TEP1: variants seen among roughly 807,000 people sequenced by gnomAD.
TEP1 encodes telomerase associated protein 1.
Under a neutral mutation model 306.3 loss-of-function variants are expected in TEP1, and 241 were observed. The ratio of observed to expected loss-of-function variants is 0.79; its 90% CI spans 0.71 to 0.88. The LOEUF is 0.88. Among genes scored for constraint, TEP1 ranks in the 40% least tolerant of loss-of-function variants. TEP1 has a pLI of 0.00. For missense variants in TEP1, 3,051 were observed against 3,276.1 expected (o/e 0.93, Z 1.68); for synonymous variants, 1,289 against 1,305.5 (o/e 0.99, Z 0.27).
rs1032849516 is a variant in TEP1, at chr14:20,384,600, C to T, written c.3221G>A (p.Arg1074Lys). Residue 1074 changes from arginine (R) to lysine (K), a missense_variant and splice_region_variant, in exon 22 of 55, where the codon AGA (arginine) becomes AAA (lysine). Physicochemically the swap from Arg to Lys is conservative, Grantham distance 26. Coordinates refer to ENST00000262715, the MANE Select transcript of TEP1 (RefSeq NM_007110.5). ...GTGCTCCCTACCTCCCTCAGCTCAC[C>T]TGCGGCAGGTGATCCCTTTCTGTCT... ...LSRQKGITCR[R>K]YPCEWGGVAA... 9 of 1,614,120 alleles carry T rather than the reference C, an allele frequency of 5.6e-6. No homozygotes were observed. The highest frequency in any genetic ancestry group is 1.6e-4 in the Middle Eastern group (1 of 6,062).
rs200061332 is a variant in TEP1, at chr14:20,378,778, G to A, written c.5328C>T (p.Thr1776=). The change falls in exon 37 of 55, where the codon ACC becomes ACT. Residue 1776 remains threonine, a synonymous_variant. Coordinates refer to ENST00000262715, the MANE Select transcript of TEP1 (RefSeq NM_007110.5). ...CCTTTAGGCATCCTCCCAAGCACAC[G>A]GTGGCTAGCAGCCGGCAGTCTGGGC... The part of the protein sequence containing the change: ...CLSPDCRLLA[T]VCLGGCLKLW... The A allele has an allele frequency of 5.7e-5, 92 of 1,614,060 alleles. No individual in the cohort carries two copies. The highest frequency in any genetic ancestry group is 2.5e-4 in the Admixed American group (15 of 59,992).
In TEP1 at chr14:20,381,234, G is replaced by T; in HGVS notation, c.4647+79C>A. 1.4e-6 allele frequency: 2 copies of T among 1,435,164 alleles called. No individual in the cohort carries two copies. The highest frequency in any genetic ancestry group is 2.0e-6 in the Non-Finnish European group (2 of 1,017,520). 88.9% of individuals were successfully genotyped at this position (1,435,164 alleles called of 1,614,324 possible). A position where few individuals can be genotyped will look rare whatever the true frequency, so the allele number is the denominator to read the frequency against. ...GGGTAATGGCGGCGGTGATGGTGGA[G>T]ATGGTAACGGGGAGAGGGGTCTCAG... is the stretch of plus-strand genomic sequence containing the variant. On this transcript the variant is annotated intron_variant, in intron 32 of 54. Coordinates refer to ENST00000262715, the MANE Select transcript of TEP1 (RefSeq NM_007110.5). The surrounding 1 kb of genome is among the most constrained non-coding windows in gnomAD (Gnocchi z 4.0).
intron 9 of TEP1, among the ~76,000 whole-genome samples, chr14:20,399,888 G>C (rs908878546): frequency 6.6e-6 from 1 of 151,746 alleles, no homozygotes; most frequent in Non-Finnish European, 1.5e-5. Context: ...ATGGCTGGGC[G>C]TGGTGGCTCA....
chr14:20,384,255 C>G, intron 23 of TEP1, 23 bp from the exon 24 acceptor site: 1 of 1,611,748 alleles, frequency 6.2e-7, no homozygotes, highest in Non-Finnish European at 8.5e-7. Context: ...GGGTCAGTGA[C>G]TATCCATGGT....
At chr14:20,413,368 T>C (rs1713434) in intron 1 of TEP1, 37 bp downstream of exon 1, 66,770 of 152,146 alleles carry the variant, frequency 0.44, 14,896 homozygotes, top group Admixed American at 0.5. Flanking sequence ...GCTCGGACCC[T>C]ACCTTAGACT....
chr14:20,390,855 T>C, intron 14 of TEP1, 83 bp downstream of exon 14: 2 of 1,611,422 alleles, frequency 1.2e-6, no homozygotes, highest in South Asian at 1.1e-5. Context: ...CTGTGTATTG[T>C]CTGTGCCTTT....
chr14:20,410,690 T>C (rs1467773440), intron 1 of TEP1, among the ~76,000 whole-genome samples: 1 of 151,424 alleles, frequency 6.6e-6, no homozygotes, highest in Non-Finnish European at 1.5e-5. Context: ...TCCACCCACC[T>C]TGGCCTCCCA....
Position 20,382,006 on chromosome 14 carries a change from C to T in TEP1, c.4331G>A (p.Gly1444Glu). 6.2e-7 allele frequency: 1 copy of T among 1,614,140 alleles called. No homozygotes were observed. The highest frequency in any genetic ancestry group is 1.1e-5 in the South Asian group (1 of 91,080). ...CACTGCTTCTTCCCAGCTCTTAGTC[C>T]CCTTCGGTAGTGTCCGCCACACACT... Reference protein sequence around the residue: ...VLSVWRTLPKGTKSWEEAVAA... With the variant: ...VLSVWRTLPKETKSWEEAVAA... The change falls in exon 30 of 55, where the codon GGG becomes GAG. Residue 1444 changes from glycine (G) to glutamate (E), a missense_variant. Physicochemically the swap from Gly to Glu is moderately conservative, Grantham distance 98. Transcript: ENST00000262715.
At chr14:20,374,791 T>A (rs1027943631) in intron 43 of TEP1, among the ~76,000 whole-genome samples, 10 of 152,054 alleles carry the variant, frequency 6.6e-5, no homozygotes, top group African/African-American at 2.4e-4. Context: ...GCTGAGTGCG[T>A]CTACATAAAG....
intron 41 of TEP1, among the ~76,000 whole-genome samples, chr14:20,376,888 A>T (rs1885206499): frequency 6.6e-6 from 1 of 152,164 alleles, no homozygotes; most frequent in Middle Eastern, 3.2e-3. Context: ...TATACATACA[A>T]CTTGGAGAAA....
chr14:20,373,376 T>A lies in TEP1; in HGVS notation c.6708A>T (p.Gly2236=), dbSNP rs1243500902. The change falls in exon 47 of 55, where the codon GGA becomes GGT. Residue 2236 remains glycine, a synonymous_variant. Transcript: ENST00000262715. Reference sequence around the variant, plus strand: ...CAGCAGCACGGACTGGGCCGCTGTGTCCCAGGAGGGTGTGGGTTTGGCACA... The same window carrying A: ...CAGCAGCACGGACTGGGCCGCTGTGACCCAGGAGGGTGTGGGTTTGGCACA... ...LLVCQTHTLL[G]HSGPVRAAAV... The A allele has an allele frequency of 3.1e-6, 5 of 1,614,024 alleles. No homozygotes were observed. Among genetic ancestry groups the A allele is most frequent in the Admixed American group, 1.7e-5 (1 of 59,996 alleles).
intron 17 of TEP1, 31 bp downstream of exon 17, chr14:20,389,207 T>C (rs1239530865): frequency 1.2e-6 from 2 of 1,602,704 alleles, no homozygotes; most frequent in Non-Finnish European, 1.7e-6. Flanking sequence ...CAACAAAGTA[T>C]CCAACCCTTC....
intron 9 of TEP1, among the ~76,000 whole-genome samples, chr14:20,397,227 G>A (rs556837593): frequency 3.3e-5 from 5 of 152,280 alleles, no homozygotes; most frequent in South Asian, 2.1e-4. Flanking sequence ...GAGAAATTTC[G>A]TAGTGTAAGT....
At chr14:20,386,308 G>A in intron 19 of TEP1, 113 bp from the exon 20 acceptor site, 1 of 1,592,042 alleles carries the variant, frequency 6.3e-7, no homozygotes, top group Non-Finnish European at 8.5e-7. Flanking sequence ...AGAAAAGGTA[G>A]GCTGCTCTTG....
chr14:20,406,439 C>T (rs1019892255), intron 2 of TEP1, 39 bp from the exon 3 acceptor site: 11 of 1,607,038 alleles, frequency 6.8e-6, no homozygotes, highest in Non-Finnish European at 9.3e-6. Flanking sequence ...CAGCAGGTAT[C>T]CACAGCCCCT....
At chr14:20,379,228 G>T in intron 35 of TEP1, 123 bp from the exon 36 acceptor site, 1 of 1,319,226 alleles carries the variant, frequency 7.6e-7, no homozygotes, top group Non-Finnish European at 1.0e-6. Flanking sequence ...GGCTCTCTAT[G>T]TTCCAAGTCA....
chr14:20,379,146 T>C lies in TEP1; in HGVS notation c.5128-41A>G, dbSNP rs755994322. ...AGGGAGCGCAGCTCAGGCCATCCCC[T>C]TGACCCTCCAAGTCCCACCACTCCA... On this transcript the variant is annotated intron_variant, in intron 35 of 54. Coordinates refer to ENST00000262715, the MANE Select transcript of TEP1 (RefSeq NM_007110.5). The C allele has an allele frequency of 5.6e-6, 9 of 1,607,228 alleles. No individual in the cohort carries two copies. In the South Asian group the frequency reaches 1.0e-4, roughly 18 times the overall value.
chr14:20,375,863 G>A lies in TEP1; in HGVS notation c.6255C>T (p.Leu2085=), dbSNP rs1412194918. Residue 2085 remains leucine, a synonymous_variant, in exon 43 of 55, where the codon CTC becomes CTT. Transcript: ENST00000262715. ...TGGGTGTCCTCACGTCCCAGCAGAG[G>A]AGACTCTGGATAGGCCCCAAGGAGA... ...SLATGGRDRS[L]LCWDVRTPKT... is the part of the protein sequence containing the mutation. 1.2e-6 allele frequency: 2 copies of A among 1,611,244 alleles called. No homozygotes were observed. The highest frequency in any genetic ancestry group is 1.1e-5 in the South Asian group (1 of 90,970).
At position 20,382,718 on chromosome 14, in the gene TEP1, G is replaced by A; in HGVS notation, c.4048-3C>T. 2 of 1,613,928 alleles carry A rather than the reference G, an allele frequency of 1.2e-6. No individual in the cohort carries two copies. Among genetic ancestry groups the A allele is most frequent in the Non-Finnish European group, 1.7e-6 (2 of 1,179,968 alleles). ...CGCTTCACCAGCAGCAGTCGCATCT[G>A]GCAAGACTCAGGACTCAGGGTGGGG... On this transcript the variant is annotated splice_polypyrimidine_tract_variant and splice_region_variant and intron_variant, in intron 27 of 54. Transcript: ENST00000262715.
Sources: allele counts gnomAD v4.1 joint callset (sites outside exome capture counted in the v4.1 genomes callset), GRCh38; gene constraint gnomAD v4.1.1; non-coding constraint Gnocchi (gnomAD v3.1); transcripts MANE v1.5; gene names NCBI Gene and HGNC (gene_info 2026-07-23, HGNC 2026-07-21).